SLC4A4: variants seen among roughly 807,000 people sequenced by gnomAD.
SLC4A4 encodes the protein solute carrier family 4 member 4, also known as electrogenic sodium bicarbonate cotransporter 1.
In SLC4A4, 27 loss-of-function variants were observed where a neutral mutation model predicts 111.5. That is an observed-to-expected ratio of 0.24 (90% CI 0.18 to 0.33). The LOEUF (loss-of-function observed/expected upper bound fraction) is 0.33. Among genes scored for constraint, SLC4A4 ranks in the 10% least tolerant of loss-of-function variants. SLC4A4 has a pLI of 1.00. For missense variants in SLC4A4, 909 were observed against 1,315.5 expected, an observed-to-expected ratio of 0.69 and a Z score of 4.78; for synonymous variants, 443 against 463.4, an observed-to-expected ratio of 0.96 and a Z score of 0.57.
At chr4:71,093,216 G>A (rs1045148042) in intron 2 of SLC4A4, among the ~76,000 whole-genome samples, 1 of 151,452 alleles carries the variant, frequency 6.6e-6, no homozygotes, top group African/African-American at 2.4e-5. Flanking sequence ...TCACCAGGCT[G>A]GAGTGCACTG....
chr4:71,259,441 G>A (rs1011353226), intron 3 of SLC4A4, among the ~76,000 whole-genome samples: 3 of 152,048 alleles, frequency 2.0e-5, no homozygotes, highest in East Asian at 1.9e-4. Context: ...TGTCCCAGCT[G>A]GGGACACAGA....
chr4:71,406,372 A>G (rs374460057), intron 7 of SLC4A4, among the ~76,000 whole-genome samples: 1 of 151,970 alleles, frequency 6.6e-6, no homozygotes, highest in African/African-American at 2.4e-5. Flanking sequence ...CTGCTCCCCA[A>G]TTTCCCTCTT....
chr4:71,088,233 C>T (rs1742253021), intron 1 of SLC4A4, among the ~76,000 whole-genome samples: 1 of 145,076 alleles, frequency 6.9e-6, no homozygotes, highest in African/African-American at 2.7e-5. Context: ...GCAATACCTG[C>T]CTTTTTTTTT....
chr4:71,562,131 T>G (rs1222835950), intron 23 of SLC4A4, among the ~76,000 whole-genome samples: 3 of 151,826 alleles, frequency 2.0e-5, no homozygotes, highest in Non-Finnish European at 4.4e-5. Context: ...ATTTACCATG[T>G]TCAACTCTGT....
chr4:71,087,941 T>C (rs1742239043), intron 1 of SLC4A4, among the ~76,000 whole-genome samples: 1 of 151,946 alleles, frequency 6.6e-6, no homozygotes, highest in African/African-American at 2.4e-5. Flanking sequence ...CAGAGCTGAG[T>C]TCAATTCCTG....
intron 2 of SLC4A4, among the ~76,000 whole-genome samples, chr4:71,163,489 G>A (rs1744660932): frequency 6.6e-6 from 1 of 152,152 alleles, no homozygotes; most frequent in Non-Finnish European, 1.5e-5. Context: ...AATCATTGAT[G>A]TAATATGATA....
At chr4:71,074,337 C>G (rs1741751691) in intron 1 of SLC4A4, among the ~76,000 whole-genome samples, 1 of 152,164 alleles carries the variant, frequency 6.6e-6, no homozygotes, top group South Asian at 2.1e-4. Context: ...TGACTGGCAT[C>G]TATTTTAAAG....
intron 3 of SLC4A4, among the ~76,000 whole-genome samples, chr4:71,284,735 CTGTGCACCT>C (rs2149095477): frequency 6.6e-6 from 1 of 152,332 alleles, no homozygotes; most frequent in East Asian, 1.9e-4. Context: ...ATGAACTCAC[CTGTGCACCT>C]TGGTCTTGTA....
At chr4:71,541,341 G>A (rs1046493725) in intron 18 of SLC4A4, among the ~76,000 whole-genome samples, 1 of 152,150 alleles carries the variant, frequency 6.6e-6, no homozygotes, top group African/African-American at 2.4e-5. Flanking sequence ...GGTGAGAGCA[G>A]CATTGAGGGC....
chr4:71,506,374 G>A (rs1407341667), intron 16 of SLC4A4, among the ~76,000 whole-genome samples: 7 of 152,044 alleles, frequency 4.6e-5, no homozygotes, highest in Admixed American at 4.6e-4. Flanking sequence ...TCCTTGAGTG[G>A]TGGTTTGTAG....
intron 3 of SLC4A4, among the ~76,000 whole-genome samples, chr4:71,294,558 C>T (rs1724626183): frequency 6.6e-6 from 1 of 152,164 alleles, no homozygotes; most frequent in African/African-American, 2.4e-5. Flanking sequence ...GCAAGTGTGC[C>T]TGTTAGGAGA....
intron 2 of SLC4A4, among the ~76,000 whole-genome samples, chr4:71,144,717 T>C (rs965003349): frequency 6.6e-5 from 10 of 152,064 alleles, no homozygotes; most frequent in Non-Finnish European, 1.3e-4. Flanking sequence ...CAATTATGAA[T>C]GGGAGTTCAC....
chr4:71,101,580 G>C (rs937275808), intron 2 of SLC4A4, among the ~76,000 whole-genome samples: 4 of 152,140 alleles, frequency 2.6e-5, no homozygotes, highest in Non-Finnish European at 4.4e-5. Flanking sequence ...ATCTGAGAAC[G>C]GGCAGACTGC....
intron 7 of SLC4A4, among the ~76,000 whole-genome samples, chr4:71,410,309 G>A (rs964238148): frequency 6.6e-6 from 1 of 152,188 alleles, no homozygotes; most frequent in African/African-American, 2.4e-5. Flanking sequence ...AAGGCAGCCA[G>A]GAGGGAGAAT....
intron 21 of SLC4A4, among the ~76,000 whole-genome samples, chr4:71,556,574 G>A (rs1426490721): frequency 6.6e-6 from 1 of 151,896 alleles, no homozygotes; most frequent in Non-Finnish European, 1.5e-5. Flanking sequence ...CCAGGGTCCA[G>A]CTAGTAGATT....
At chr4:71,084,207 T>C (rs1429453989) in intron 1 of SLC4A4, among the ~76,000 whole-genome samples, 1 of 152,076 alleles carries the variant, frequency 6.6e-6, no homozygotes, top group Non-Finnish European at 1.5e-5. Flanking sequence ...TAACATCTTC[T>C]AAGAGCATTA....
intron 4 of SLC4A4, among the ~76,000 whole-genome samples, chr4:71,342,098 T>C (rs1229086331): frequency 6.6e-6 from 1 of 152,214 alleles, no homozygotes; most frequent in African/African-American, 2.4e-5. Flanking sequence ...TAAAAAAGCT[T>C]TCATAACACA....
intron 1 of SLC4A4, among the ~76,000 whole-genome samples, chr4:71,075,208 G>T (rs192401028): frequency 9.9e-4 from 150 of 152,234 alleles, no homozygotes; most frequent in African/African-American, 3.4e-3. Context: ...GATAAAAATC[G>T]CAAGAATCTA....
chr4:71,321,765 A>T (rs1727138286), intron 3 of SLC4A4, among the ~76,000 whole-genome samples: 1 of 151,946 alleles, frequency 6.6e-6, no homozygotes, highest in Admixed American at 6.6e-5. Flanking sequence ...CTCATGACAT[A>T]AACACCTCTT....
Sources: allele counts gnomAD v4.1 joint callset (sites outside exome capture counted in the v4.1 genomes callset), GRCh38; gene constraint gnomAD v4.1.1; transcripts MANE v1.5; gene names NCBI Gene and HGNC (gene_info 2026-07-23, HGNC 2026-07-21).